The following LAG3 variants were observed in gnomAD, a reference collection of about 807,000 sequenced individuals.
LAG3 encodes lymphocyte activating 3, also known as lymphocyte activation gene 3 protein.
A neutral mutation model predicts 49.0 loss-of-function variants in LAG3; 29 were observed. The ratio of observed to expected loss-of-function variants is 0.59; its 90% CI spans 0.44 to 0.81. The LOEUF is 0.81. LAG3 is among the 30% of genes least tolerant of loss of function. The probability of loss-of-function intolerance (pLI) is 0.00; values close to 1 mark genes in which losing one functional copy is unlikely to be tolerated. For synonymous variants in LAG3, 320 were observed against 297.3 expected, an observed-to-expected ratio of 1.08 and a Z score of -0.79; for missense variants, 693 against 695.2, an observed-to-expected ratio of 1.00 and a Z score of 0.04.
chr12:6,774,727 A>G lies in LAG3; in HGVS notation c.644A>G (p.Glu215Gly). Residue 215 changes from glutamate (E) to glycine (G), a missense_variant, in exon 4 of 8, where the codon GAG becomes GGG. Glu to Gly is a moderately conservative substitution (Grantham distance 98). Coordinates refer to ENST00000203629, the MANE Select transcript of LAG3 (RefSeq NM_002286.6). ...GGCCAGGGCCGAGTCCCTGTCCGGG[A>G]GTCCCCCCATCACCACTTAGCGGAA... ...NRGQGRVPVR[E>G]SPHHHLAESF... The G allele has an allele frequency of 6.2e-7, 1 of 1,614,132 alleles. No homozygotes were observed. Among genetic ancestry groups the G allele is most frequent in the Non-Finnish European group, 8.5e-7 (1 of 1,180,004 alleles).
intron 5 of LAG3, among the ~76,000 whole-genome samples, chr12:6,776,431 C>T (rs1941908426): frequency 6.6e-6 from 1 of 152,186 alleles, no homozygotes; most frequent in African/African-American, 2.4e-5. Flanking sequence ...TGAAGGTCAA[C>T]TGTTTTATGT....
In LAG3 at chr12:6,774,819, A is replaced by G. The variant is rs745832396; in HGVS notation, c.736A>G (p.Arg246Gly). The change falls in exon 4 of 8, where the codon AGA (arginine) becomes GGA (glycine). Residue 246 changes from arginine (R) to glycine (G), a missense_variant. Physicochemically the swap from Arg to Gly is moderately radical, Grantham distance 125. Coordinates refer to ENST00000203629, the MANE Select transcript of LAG3 (RefSeq NM_002286.6). Reference sequence around the variant, plus strand: ...GCCCTGGGGCTGCATCCTCACCTACAGAGATGGCTTCAACGTCTCCATCAT... The same window carrying G: ...GCCCTGGGGCTGCATCCTCACCTACGGAGATGGCTTCAACGTCTCCATCAT... The part of the protein sequence containing the change: ...SGPWGCILTY[R>G]DGFNVSIMYN... 2.5e-6 allele frequency: 4 copies of G among 1,614,072 alleles called. No individual in the cohort carries two copies. The highest frequency in any genetic ancestry group is 2.2e-5 in the South Asian group (2 of 91,088).
intron 7 of LAG3, 25 bp from the exon 8 acceptor site, chr12:6,778,217 CGT>C (rs773562656): frequency 6.4e-7 from 1 of 1,554,474 alleles, no homozygotes; most frequent in Non-Finnish European, 8.7e-7. Flanking sequence ...TTCCGCCCTC[CGT>C]CTCTCTCTCC....
Position 6,773,864 on chromosome 12 carries a change from G to A in LAG3, c.374G>A (p.Arg125His). The A allele has an allele frequency of 1.4e-6, 2 of 1,402,062 alleles. No individual in the cohort carries two copies. Among genetic ancestry groups the A allele is most frequent in the Non-Finnish European group, 1.8e-6 (2 of 1,085,874 alleles). 86.9% of individuals were successfully genotyped at this position (1,402,062 alleles called of 1,614,324 possible). ...CAGCCCCGCGTCCAGCTGGATGAGC[G>A]CGGCCGGCAGCGCGGGGACTTCTCG... ...PLQPRVQLDE[R>H]GRQRGDFSLW... Residue 125 changes from arginine to histidine, a missense_variant, in exon 3 of 8, where the codon CGC becomes CAC. Physicochemically the swap from Arg to His is conservative, Grantham distance 29. Transcript: ENST00000203629. The surrounding 1 kb of genome is among the most constrained non-coding windows in gnomAD (Gnocchi z 5.5).
chr12:6,773,241 G>C lies in LAG3; in HGVS notation c.108G>C (p.Glu36Asp). ...AGGTCCCGGTGGTGTGGGCCCAGGA[G>C]GGGGCTCCTGCCCAGCTCCCCTGCA... ...GAEVPVVWAQ[E>D]GAPAQLPCSP... Residue 36 changes from glutamate to aspartate, a missense_variant, in exon 2 of 8, where the codon GAG becomes GAC. Glu to Asp is a conservative substitution (Grantham distance 45, BLOSUM62 2). Transcript: ENST00000203629. The surrounding 1 kb of genome is among the most constrained non-coding windows in gnomAD (Gnocchi z 5.5). 1 of 1,612,780 alleles carries C rather than the reference G, an allele frequency of 6.2e-7. No homozygotes were observed. The highest frequency in any genetic ancestry group is 8.5e-7 in the Non-Finnish European group (1 of 1,179,514).
intron 7 of LAG3, 36 bp downstream of exon 7, chr12:6,777,957 G>C: frequency 6.2e-7 from 1 of 1,610,442 alleles, no homozygotes. Flanking sequence ...CCCCCCAGCA[G>C]CTCCCGCTCT....
intron 4 of LAG3, 50 bp downstream of exon 4, chr12:6,774,914 C>A (rs918835454): frequency 6.4e-7 from 1 of 1,552,142 alleles, no homozygotes; most frequent in Non-Finnish European, 8.8e-7. Flanking sequence ...TTCCTGCCCC[C>A]CTTGTCACCT....
Position 6,775,254 on chromosome 12 carries a change from G to A in LAG3, c.782-19G>A. ...ACTGCAGCACCCAGCTTTAACTTTG[G>A]GTTTTCTTTTCTCTTCAGGTCTGGA... On this transcript the variant is annotated intron_variant, in intron 4 of 7. Transcript: ENST00000203629. The A allele has an allele frequency of 1.2e-6, 2 of 1,604,678 alleles. No individual in the cohort carries two copies. The highest frequency in any genetic ancestry group is 1.7e-6 in the Non-Finnish European group (2 of 1,174,876).
At position 6,774,631 on chromosome 12, in the gene LAG3, A is replaced by G. The variant is rs866865963; in HGVS notation, c.548A>G (p.Asp183Gly). 3 of 1,614,024 alleles carry G rather than the reference A, an allele frequency of 1.9e-6. No individual in the cohort carries two copies. Among genetic ancestry groups the G allele is most frequent in the Middle Eastern group, 1.7e-4 (1 of 6,060 alleles). Reference sequence around the variant, plus strand: ...CCCCCAGGATCTCTCAGAGCCTCCGACTGGGTCATTTTGAACTGCTCCTTC... The same window carrying G: ...CCCCCAGGATCTCTCAGAGCCTCCGGCTGGGTCATTTTGAACTGCTCCTTC... ...ASPPGSLRASDWVILNCSFSR... is the reference protein window; with the variant it reads ...ASPPGSLRASGWVILNCSFSR... The change falls in exon 4 of 8, where the codon GAC becomes GGC. Residue 183 changes from aspartate to glycine, a missense_variant. Asp to Gly is a moderately conservative substitution (Grantham distance 94). Coordinates refer to ENST00000203629, the MANE Select transcript of LAG3 (RefSeq NM_002286.6).
chr12:6,773,115 G>C lies in LAG3; in HGVS notation c.59-77G>C, dbSNP rs535829330. On this transcript the variant is annotated intron_variant, in intron 1 of 7. Transcript: ENST00000203629. This position sits in a 1 kb window ranked among gnomAD's most constrained non-coding sequence, Gnocchi z 5.5. ...TTCCTGCACCCTGTTTCTCCCTCGGGAAACACCCAGGCTCCTTCTCTACCC... is the reference window on the plus strand; with the variant it reads ...TTCCTGCACCCTGTTTCTCCCTCGGCAAACACCCAGGCTCCTTCTCTACCC... 9 of 1,521,750 alleles carry C rather than the reference G, an allele frequency of 5.9e-6. No individual in the cohort carries two copies. In the South Asian group the frequency reaches 1.0e-4, roughly 17 times the overall value. 94.3% of individuals were successfully genotyped at this position (1,521,750 alleles called of 1,614,324 possible).
Position 6,773,390 on chromosome 12 carries a change from C to G in LAG3, c.206+51C>G. ...GGACCTCCGAATCCAGCACTCAACC[C>G]CACACCCGTGCCGGTCCTCTGTCCC... On this transcript the variant is annotated intron_variant, in intron 2 of 7. Transcript: ENST00000203629. This position sits in a 1 kb window ranked among gnomAD's most constrained non-coding sequence, Gnocchi z 5.5. 6.2e-7 allele frequency: 1 copy of G among 1,602,480 alleles called. No individual in the cohort carries two copies. The highest frequency in any genetic ancestry group is 1.1e-5 in the South Asian group (1 of 90,612).
In LAG3 at chr12:6,775,056, G is replaced by A. The variant is rs971231289; in HGVS notation, c.781+192G>A. Among the ~76,000 whole-genome samples the A allele has an allele frequency of 2.6e-4, 39 of 151,988 alleles. 1 individual carries two copies. The highest frequency in any genetic ancestry group is 3.9e-4 in the East Asian group (2 of 5,188). On this transcript the variant is annotated intron_variant, in intron 4 of 7. Coordinates refer to ENST00000203629, the MANE Select transcript of LAG3 (RefSeq NM_002286.6). ...GCCATCACCCCTTCTTGCTTCTCCCGTGGCCTTCCAGCGTCATTGCCGGCC... is the reference window on the plus strand; with the variant it reads ...GCCATCACCCCTTCTTGCTTCTCCCATGGCCTTCCAGCGTCATTGCCGGCC...
At position 6,773,552 on chromosome 12, in the gene LAG3, C is replaced by T; in HGVS notation, c.207-145C>T. ...TCTCCAGAAGTGGATGCGGCCAGTC[C>T]AACAGAGGGGTCGGGCGTGAGGGGA... On this transcript the variant is annotated intron_variant, in intron 2 of 7. Transcript: ENST00000203629. The surrounding 1 kb of genome is among the most constrained non-coding windows in gnomAD (Gnocchi z 5.5). 2 of 1,144,174 alleles carry T rather than the reference C, an allele frequency of 1.7e-6. No individual in the cohort carries two copies. Among genetic ancestry groups the T allele is most frequent in the Non-Finnish European group, 2.3e-6 (2 of 859,930 alleles). 70.9% of individuals were successfully genotyped at this position (1,144,174 alleles called of 1,614,324 possible). A position where few individuals can be genotyped will look rare whatever the true frequency, so the allele number is the denominator to read the frequency against.
Position 6,777,463 on chromosome 12 carries a change from G to T in LAG3, c.1257G>T (p.Arg419Ser). The change falls in exon 6 of 8, where the codon AGG (arginine) becomes AGT (serine). Residue 419 changes from arginine to serine, a missense_variant. Arg to Ser is a moderately radical substitution (Grantham distance 110). Coordinates refer to ENST00000203629, the MANE Select transcript of LAG3 (RefSeq NM_002286.6). ...AATGCCAGCTGTACCAGGGGGAGAG[G>T]CTTCTTGGAGCAGCAGTGTACTTCA... is the stretch of plus-strand genomic sequence containing the variant. Reference protein sequence around the residue: ...PWQCQLYQGERLLGAAVYFTE... With the variant: ...PWQCQLYQGESLLGAAVYFTE... 1 of 1,614,128 alleles carries T rather than the reference G, an allele frequency of 6.2e-7. No individual in the cohort carries two copies. Among genetic ancestry groups the T allele is most frequent in the Non-Finnish European group, 8.5e-7 (1 of 1,180,014 alleles).
rs1050035388 is a variant in LAG3 at position 6,773,718 on chromosome 12, C to CGGCCATCCCCT, written c.233_243dup (p.Pro82IlefsTer25). 1.5e-6 allele frequency: 2 copies of CGGCCATCCCCT among 1,349,634 alleles called. No homozygotes were observed. The highest frequency in any genetic ancestry group is 3.0e-5 in the African/African-American group (2 of 65,974). The allele number at this position is 1,349,634 out of a possible 1,614,324, so 83.6% of individuals were successfully genotyped here. A position where few individuals can be genotyped will look rare whatever the true frequency, so the allele number is the denominator to read the frequency against. On this transcript the variant is annotated frameshift_variant, in exon 3 of 8. Coordinates refer to ENST00000203629, the MANE Select transcript of LAG3 (RefSeq NM_002286.6). LOFTEE classifies it high-confidence loss of function. The surrounding 1 kb of genome is among the most constrained non-coding windows in gnomAD (Gnocchi z 5.5). ...CCAGTGGCCCGCCCGCTGCCGCCCC[C>CGGCCATCCCCT]GGCCATCCCCTGGCCCCCGGCCCTC...
chr12:6,772,982 C>T, intron 1 of LAG3, 72 bp downstream of exon 1: 1 of 1,535,468 alleles, frequency 6.5e-7, no homozygotes, highest in Non-Finnish European at 9.0e-7. Context: ...TCTGTGGCCA[C>T]AAAGGTCCTG....
At chr12:6,776,037 T>C (rs934869350) in intron 5 of LAG3, among the ~76,000 whole-genome samples, 2 of 151,954 alleles carry the variant, frequency 1.3e-5, no homozygotes, top group African/African-American at 4.8e-5. Flanking sequence ...ACTCAGAGAG[T>C]ATGTGTTGAC....
chr12:6,775,551 C>A lies in LAG3; in HGVS notation c.1057+3C>A. 6.2e-7 allele frequency: 1 copy of A among 1,613,798 alleles called. No individual in the cohort carries two copies. Among genetic ancestry groups the A allele is most frequent in the Non-Finnish European group, 8.5e-7 (1 of 1,179,684 alleles). ...TGTCACATTGGCAATCATCACAGGT[C>A]AGCCTCAGGTGGGAAAGGAGTAGCT... On this transcript the variant is annotated splice_donor_region_variant and intron_variant, in intron 5 of 7. Transcript: ENST00000203629.
rs775423454 is a variant in LAG3, at chr12:6,775,522, C to T, written c.1031C>T (p.Ala344Val). 1 of 1,614,230 alleles carries T rather than the reference C, an allele frequency of 6.2e-7. No individual in the cohort carries two copies. Among genetic ancestry groups the T allele is most frequent in the East Asian group, 2.2e-5 (1 of 44,890 alleles). The change falls in exon 5 of 8, where the codon GCC (alanine) becomes GTC (valine). Residue 344 changes from alanine (A) to valine (V), a missense_variant. Physicochemically the swap from Ala to Val is moderately conservative, Grantham distance 64. Coordinates refer to ENST00000203629, the MANE Select transcript of LAG3 (RefSeq NM_002286.6). ...CATCTGCAGGAACAGCAGCTCAATGCCACTGTCACATTGGCAATCATCACA... is the reference window on the plus strand; with the variant it reads ...CATCTGCAGGAACAGCAGCTCAATGTCACTGTCACATTGGCAATCATCACA... ...HIHLQEQQLNATVTLAIITVT... is the reference protein window; with the variant it reads ...HIHLQEQQLNVTVTLAIITVT...
Sources: gnomAD v4.1 joint callset for allele counts (sites outside exome capture counted in the v4.1 genomes callset) on GRCh38, gnomAD v4.1.1 for gene constraint, Gnocchi (gnomAD v3.1) non-coding constraint, MANE v1.5 for transcripts, NCBI Gene and HGNC (gene_info 2026-07-23, HGNC 2026-07-21) for gene names.